PPIL2: variants seen among roughly 807,000 people sequenced by gnomAD.
PPIL2 encodes RING-type E3 ubiquitin-protein ligase PPIL2.
In PPIL2, 50 loss-of-function variants were observed where a neutral mutation model predicts 75.2. The ratio of observed to expected loss-of-function variants is 0.66; its 90% confidence interval spans 0.53 to 0.84. The LOEUF is 0.84. PPIL2 is among the 40% of genes least tolerant of loss of function. The pLI, the probability that PPIL2 is intolerant of heterozygous loss-of-function variation, is 0.00. For missense variants in PPIL2, 590 were observed against 685.0 expected (o/e 0.86, Z 1.55); for synonymous variants, 245 against 258.8 (o/e 0.95, Z 0.51).
At chr22:21,666,972 C>CCCAGAACTGCT (rs1022114581) in intron 1 of PPIL2, among the ~76,000 whole-genome samples, 74 of 151,860 alleles carry the variant, frequency 4.9e-4, no homozygotes, top group Admixed American at 3.9e-4. Flanking sequence ...GAATTTCGAC[C>CCCAGAACTGCT]CCAGAACTGT....
intron 6 of PPIL2, 76 bp downstream of exon 6, chr22:21,675,191 G>A (rs1175253765): frequency 1.3e-5 from 18 of 1,338,776 alleles, no homozygotes; most frequent in East Asian, 6.9e-5. Context: ...GTTTTCATAC[G>A]GAATCAGTCA....
At chr22:21,687,572 G>T in intron 12 of PPIL2, 71 bp from the exon 13 acceptor site, 3 of 267,744 alleles carry the variant, frequency 1.1e-5, no homozygotes, top group Admixed American at 5.9e-5. Context: ...AAAAAAAAAA[G>T]CCTCCTGTGG....
At chr22:21,680,604 C>T (rs1386874364) in intron 6 of PPIL2, among the ~76,000 whole-genome samples, 1 of 151,480 alleles carries the variant, frequency 6.6e-6, no homozygotes, top group East Asian at 1.9e-4. Flanking sequence ...CCGAGGTGGG[C>T]AGATCATTAG....
At position 21,666,086 on chromosome 22, in the gene PPIL2, G is replaced by A. The variant is rs550503444; in HGVS notation, c.-14G>A. On this transcript the variant is annotated 5_prime_UTR_variant, in exon 1 of 20. Coordinates refer to ENST00000398831, the MANE Select transcript of PPIL2 (RefSeq NM_014337.4). ...TGTTTTTTCGTGCTCGCTAGTCGCC[G>A]CCGCCGCTCCGCCATGGGGAAGCGA... 6.2e-6 allele frequency: 10 copies of A among 1,611,954 alleles called. No individual in the cohort carries two copies. The highest frequency in any genetic ancestry group is 1.6e-4 in the Middle Eastern group (1 of 6,072).
chr22:21,686,856 T>G, intron 11 of PPIL2, 36 bp from the exon 12 acceptor site: 1 of 1,578,516 alleles, frequency 6.3e-7, no homozygotes, highest in Non-Finnish European at 8.7e-7. Context: ...TGCCCCAGGG[T>G]GAGGGCAGGG....
intron 15 of PPIL2, among the ~76,000 whole-genome samples, chr22:21,692,618 A>C (rs1262011483): frequency 6.6e-6 from 1 of 151,804 alleles, no homozygotes; most frequent in East Asian, 1.9e-4. Context: ...AAGGTTAAGA[A>C]GGACATCTAT....
chr22:21,676,319 G>T (rs1436046950), intron 6 of PPIL2, among the ~76,000 whole-genome samples: 2 of 150,050 alleles, frequency 1.3e-5, no homozygotes, highest in African/African-American at 5.0e-5. Context: ...TTGTGTGTGT[G>T]TGTGTGTGTG....
intron 5 of PPIL2, among the ~76,000 whole-genome samples, chr22:21,674,002 G>A (rs1355935652): frequency 2.0e-5 from 3 of 152,190 alleles, no homozygotes; most frequent in African/African-American, 7.2e-5. Flanking sequence ...GAGCAGATGC[G>A]GTCAGTTGGG....
downstream of PPIL2, chr22:21,699,441 C>G (rs2068041449): frequency 6.6e-6 from 1 of 152,280 alleles, no homozygotes; most frequent in Admixed American, 6.6e-5. Flanking sequence ...GGCCTAAACC[C>G]TTATGGGGTG....
downstream of PPIL2, chr22:21,698,370 C>T (rs1459435814): frequency 2.0e-5 from 3 of 152,086 alleles, no homozygotes; most frequent in East Asian, 1.9e-4. Context: ...GAAGGAGCAG[C>T]GAACTTGCCC....
rs538960131 is a variant in PPIL2, at chr22:21,685,265, G to A, written c.714+352G>A. Among the ~76,000 whole-genome samples, 6 of 152,324 alleles carry A rather than the reference G, an allele frequency of 3.9e-5. No homozygotes were observed. The East Asian group carries it at 5.8e-4, about 15-fold the overall frequency. ...AGTAGCCAGGGCAGGCACGTTGAGC[G>A]GGCACATGTGGTTCTGTGGTGGCTG... is the stretch of plus-strand genomic sequence containing the variant. On this transcript the variant is annotated intron_variant, in intron 10 of 19. Coordinates refer to ENST00000398831, the MANE Select transcript of PPIL2 (RefSeq NM_014337.4).
intron 8 of PPIL2, among the ~76,000 whole-genome samples, 154 bp from the exon 9 acceptor site, chr22:21,683,028 C>A (rs2067197050): frequency 6.6e-6 from 1 of 152,080 alleles, no homozygotes; most frequent in Non-Finnish European, 1.5e-5. Flanking sequence ...CTGGGGCAGA[C>A]CACCTCCTCC....
chr22:21,682,743 C>T (rs2067184171), intron 8 of PPIL2, among the ~76,000 whole-genome samples: 1 of 152,236 alleles, frequency 6.6e-6, no homozygotes, highest in Non-Finnish European at 1.5e-5. Context: ...GGCACAGGGT[C>T]CCTGCAGGTG....
chr22:21,684,676 TA>T, intron 9 of PPIL2, 76 bp from the exon 10 acceptor site: 1 of 1,555,958 alleles, frequency 6.4e-7, no homozygotes, highest in South Asian at 1.2e-5. Context: ...TGGGCTATTC[TA>T]GATCTGTGTC....
At chr22:21,683,981 G>C (rs1423616133) in intron 9 of PPIL2, among the ~76,000 whole-genome samples, 1 of 152,200 alleles carries the variant, frequency 6.6e-6, no homozygotes, top group East Asian at 1.9e-4. Context: ...GCCAAGGCAG[G>C]CGGATTGCTT....
chr22:21,681,174 TG>T (rs2067113956), intron 6 of PPIL2, 124 bp from the exon 7 acceptor site: 4 of 742,024 alleles, frequency 5.4e-6, no homozygotes, highest in African/African-American at 1.7e-5. Flanking sequence ...GCAGCTGACA[TG>T]GGGTTCCACC....
chr22:21,686,385 G>A lies in PPIL2; in HGVS notation c.715-98G>A, dbSNP rs554005914. On this transcript the variant is annotated intron_variant, in intron 10 of 19. Transcript: ENST00000398831. ...AGAGGCACCAAGCAGGGCCTGGGGG[G>A]CAGGGGTGGCGTGTGGTTGGCTTCT... 8.6e-5 allele frequency: 100 copies of A among 1,159,636 alleles called. No homozygotes were observed. The South Asian group carries it at 1.2e-3, about 13-fold the overall frequency. 71.8% of individuals were successfully genotyped at this position (1,159,636 alleles called of 1,614,324 possible).
chr22:21,667,397 C>T (rs762135182), intron 1 of PPIL2, among the ~76,000 whole-genome samples: 44 of 152,008 alleles, frequency 2.9e-4, no homozygotes, highest in Non-Finnish European at 5.0e-4. Flanking sequence ...CTCAGGTGAT[C>T]CACCTGCCTC....
chr22:21,698,588 A>C (rs1471473947), downstream of PPIL2: 1 of 152,352 alleles, frequency 6.6e-6, no homozygotes, highest in Non-Finnish European at 1.5e-5. Context: ...TGGGAGAGGA[A>C]TGAAGACTCA....
Sources: gnomAD v4.1 joint callset for allele counts (sites outside exome capture counted in the v4.1 genomes callset) on GRCh38, gnomAD v4.1.1 for gene constraint, MANE v1.5 for transcripts, NCBI Gene and HGNC (gene_info 2026-07-23, HGNC 2026-07-21) for gene names.